Variants in RGS22 observed in about 807,000 individuals in gnomAD.
The protein encoded by RGS22 is regulator of G-protein signaling 22.
In RGS22, 148 loss-of-function variants were observed where a neutral mutation model predicts 172.9. The ratio of observed to expected loss-of-function variants is 0.86; its 90% CI spans 0.75 to 0.98. RGS22 has a LOEUF of 0.98. RGS22 is among the 50% of genes least tolerant of loss of function. The pLI is 0.00. For synonymous variants in RGS22, 458 were observed against 480.2 expected, an observed-to-expected ratio of 0.95 and a Z score of 0.60; for missense variants, 1,347 against 1,440.8, an observed-to-expected ratio of 0.93 and a Z score of 1.05.
intron 20 of RGS22, among the ~76,000 whole-genome samples, chr8:99,988,151 A>G (rs550905759): frequency 2.4e-4 from 37 of 151,592 alleles, no homozygotes; most frequent in Non-Finnish European, 5.2e-4. Context: ...AAAATATTAT[A>G]TTTTTAGATG....
chr8:100,055,456 C>T (rs1186806581), intron 9 of RGS22, among the ~76,000 whole-genome samples: 6 of 152,194 alleles, frequency 3.9e-5, no homozygotes, highest in Admixed American at 2.6e-4. Flanking sequence ...AAAGCAGATA[C>T]AGCTTATATC....
At chr8:100,059,404 CAA>C (rs1809913300) in intron 9 of RGS22, among the ~76,000 whole-genome samples, 2 of 149,816 alleles carry the variant, frequency 1.3e-5, no homozygotes, top group Non-Finnish European at 3.0e-5. Context: ...ACTTCACCTA[CAA>C]AGACACATAC....
At chr8:100,052,574 A>G (rs531322740) in intron 10 of RGS22, among the ~76,000 whole-genome samples, 1 of 152,206 alleles carries the variant, frequency 6.6e-6, no homozygotes, top group Non-Finnish European at 1.5e-5. Context: ...TGCTGGGATT[A>G]CAGGCATGAG....
rs1209333597 is a variant in RGS22, at chr8:100,071,505, C to T, written c.458G>A (p.Ser153Asn). The T allele has an allele frequency of 6.2e-7, 1 of 1,611,148 alleles. No individual in the cohort carries two copies. The highest frequency in any genetic ancestry group is 8.5e-7 in the Non-Finnish European group (1 of 1,178,746). ...LAKLVSQVRW[S>N]KSGMNFTVGS... is the part of the protein sequence containing the mutation. ...TACTGTGAAATTCATGCCGGACTTG[C>T]TCCATCTTACTTGTGAGACCAATTT... The change falls in exon 6 of 28, where the codon AGC (serine) becomes AAC (asparagine). Residue 153 changes from serine (S) to asparagine (N), a missense_variant. Ser to Asn is a conservative substitution (Grantham distance 46). Transcript: ENST00000360863.
intron 3 of RGS22, among the ~76,000 whole-genome samples, chr8:100,082,634 C>CTA (rs1811849015): frequency 6.6e-6 from 1 of 152,296 alleles, no homozygotes; most frequent in East Asian, 1.9e-4. Flanking sequence ...GGACTCAGAG[C>CTA]TATAAAGTGC....
chr8:99,989,715 C>T (rs553956057), intron 20 of RGS22, among the ~76,000 whole-genome samples: 2 of 152,168 alleles, frequency 1.3e-5, no homozygotes, highest in South Asian at 2.1e-4. Flanking sequence ...TGTGGTGGTG[C>T]GTGCCTGTAA....
chr8:99,970,649 G>T (rs1811239148), intron 23 of RGS22, among the ~76,000 whole-genome samples: 2 of 152,206 alleles, frequency 1.3e-5, no homozygotes, highest in Admixed American at 1.3e-4. Context: ...TAAATTCATG[G>T]ACACATACAC....
intron 14 of RGS22, among the ~76,000 whole-genome samples, chr8:100,013,312 C>T (rs946002751): frequency 1.3e-5 from 2 of 151,954 alleles, no homozygotes; most frequent in Non-Finnish European, 2.9e-5. Context: ...TAAATGAGAA[C>T]AGAGAAGAGG....
chr8:100,011,443 C>A (rs1191272249), intron 14 of RGS22, among the ~76,000 whole-genome samples: 1 of 152,134 alleles, frequency 6.6e-6, no homozygotes, highest in Non-Finnish European at 1.5e-5. Context: ...CTATTCTTAC[C>A]ACAGCAGACA....
rs188187872 is a variant in RGS22 at position 99,962,273 on chromosome 8, G to A, written c.*45+121C>T. On this transcript the variant is annotated intron_variant, in intron 27 of 27. Transcript: ENST00000360863. Reference sequence around the variant, plus strand: ...GGGAGGCAAGGCTCTCCTCCCCATCGACTTATTAGTGGGACATGTTATATG... The same window carrying A: ...GGGAGGCAAGGCTCTCCTCCCCATCAACTTATTAGTGGGACATGTTATATG... 1,493 of 654,236 alleles carry A rather than the reference G, an allele frequency of 2.3e-3. 3 individuals carry two copies. Among genetic ancestry groups the A allele is most frequent in the Non-Finnish European group, 2.6e-3 (952 of 370,334 alleles). 40.5% of individuals were successfully genotyped at this position (654,236 alleles called of 1,614,324 possible).
chr8:100,068,234 A>T (rs1356115096), intron 6 of RGS22, among the ~76,000 whole-genome samples: 2 of 151,998 alleles, frequency 1.3e-5, no homozygotes, highest in Non-Finnish European at 2.9e-5. Flanking sequence ...ATAATTTTTT[A>T]AAAATTAGCC....
At chr8:100,064,913 C>T (rs1653267291) in intron 7 of RGS22, among the ~76,000 whole-genome samples, 1 of 152,164 alleles carries the variant, frequency 6.6e-6, no homozygotes, top group Non-Finnish European at 1.5e-5. Flanking sequence ...ATTAAACTTA[C>T]AAAATGGCAC....
intron 14 of RGS22, among the ~76,000 whole-genome samples, chr8:100,014,505 A>G (rs893996704): frequency 2.0e-5 from 3 of 152,182 alleles, no homozygotes; most frequent in Admixed American, 1.3e-4. Context: ...TCGCCAATTC[A>G]ATAGCTTCTT....
chr8:100,005,338 T>C (rs890609763), intron 16 of RGS22, among the ~76,000 whole-genome samples: 5 of 152,164 alleles, frequency 3.3e-5, no homozygotes, highest in African/African-American at 9.6e-5. Flanking sequence ...GAAATACATA[T>C]ATAATTTTAC....
chr8:100,066,945 T>C (rs1207880332), intron 6 of RGS22, among the ~76,000 whole-genome samples: 1 of 152,210 alleles, frequency 6.6e-6, no homozygotes, highest in East Asian at 1.9e-4. Context: ...ATTCTGAAGT[T>C]GATCCTTAGC....
chr8:99,980,776 A>C (rs1043159699), intron 22 of RGS22, among the ~76,000 whole-genome samples: 3 of 152,168 alleles, frequency 2.0e-5, no homozygotes, highest in African/African-American at 4.8e-5. Context: ...GCAGCTCCAG[A>C]CATTTACCGT....
chr8:99,976,350 TTTTGTTTG>T (rs532250376), intron 23 of RGS22, among the ~76,000 whole-genome samples: 5 of 152,056 alleles, frequency 3.3e-5, no homozygotes, highest in Admixed American at 2.0e-4. Flanking sequence ...AAACACTGTC[TTTTGTTTG>T]TTTGTTTGTT....
intron 10 of RGS22, among the ~76,000 whole-genome samples, chr8:100,051,488 T>C (rs1197687546): frequency 1.2e-5 from 1 of 85,182 alleles, no homozygotes; most frequent in African/African-American, 4.6e-5. Context: ...TATATTTATA[T>C]ATAATATATA....
At chr8:100,026,497 T>C (rs1818190114) in intron 14 of RGS22, among the ~76,000 whole-genome samples, 1 of 152,150 alleles carries the variant, frequency 6.6e-6, no homozygotes, top group South Asian at 2.1e-4. Context: ...CTATAAACCC[T>C]GGGTAAATAG....
Sources: allele counts gnomAD v4.1 joint callset (sites outside exome capture counted in the v4.1 genomes callset), GRCh38; gene constraint gnomAD v4.1.1; transcripts MANE v1.5; gene names NCBI Gene and HGNC (gene_info 2026-07-23, HGNC 2026-07-21).